Variants in VWC2 observed in about 807,000 individuals in gnomAD.
The protein encoded by VWC2 is von Willebrand factor C domain containing 2, also known as brorin.
VWC2 carries 14 observed loss-of-function variants against 29.8 expected under a neutral mutation model. That is an observed-to-expected ratio of 0.47 (90% CI 0.31 to 0.74). The LOEUF is 0.74. Ranked by LOEUF, VWC2 falls within the 30% of genes least tolerant of loss-of-function variation. VWC2 has a pLI of 0.05. For missense variants in VWC2, 457 were observed against 459.8 expected, an observed-to-expected ratio of 0.99 and a Z score of 0.05; for synonymous variants, 213 against 199.0, an observed-to-expected ratio of 1.07 and a Z score of -0.59.
intron 3 of VWC2, among the ~76,000 whole-genome samples, chr7:49,881,617 A>T (rs2128727293): frequency 6.6e-6 from 1 of 152,278 alleles, no homozygotes; most frequent in East Asian, 1.9e-4. Context: ...TCTTGTTCCC[A>T]TCTATCTGTG....
chr7:49,783,626 G>C (rs930326860), intron 2 of VWC2, among the ~76,000 whole-genome samples: 2 of 152,144 alleles, frequency 1.3e-5, no homozygotes, highest in Non-Finnish European at 2.9e-5. Flanking sequence ...TTTCTGTCGG[G>C]CACTGGGGTG....
chr7:49,804,716 T>C lies in VWC2; in HGVS notation c.826+1876T>C, dbSNP rs185623892. On this transcript the variant is annotated intron_variant, in intron 3 of 3. Transcript: ENST00000340652. ...AATAACTGTCCAGTGAACAATTGTATACCTTTAGCTACACCTGTTGCTAAC... is the reference window on the plus strand; with the variant it reads ...AATAACTGTCCAGTGAACAATTGTACACCTTTAGCTACACCTGTTGCTAAC... Among the ~76,000 whole-genome samples, 128 of 152,354 alleles carry C rather than the reference T, an allele frequency of 8.4e-4. 1 individual carries two copies. Among genetic ancestry groups the C allele is most frequent in the African/African-American group, 2.9e-3 (121 of 41,580 alleles).
intron 3 of VWC2, among the ~76,000 whole-genome samples, chr7:49,907,496 AAG>A (rs1793170377): frequency 6.6e-6 from 1 of 152,228 alleles, no homozygotes; most frequent in Admixed American, 6.5e-5. Context: ...TTTAATAAAC[AAG>A]AGTCTGTCAA....
intron 3 of VWC2, among the ~76,000 whole-genome samples, chr7:49,867,397 T>A (rs1275649333): frequency 6.6e-6 from 1 of 152,148 alleles, no homozygotes; most frequent in East Asian, 1.9e-4. Context: ...AGAGGACAGA[T>A]CTGGAGGACG....
At chr7:49,778,011 G>C (rs186598185) in intron 2 of VWC2, among the ~76,000 whole-genome samples, 7 of 151,154 alleles carry the variant, frequency 4.6e-5, no homozygotes, top group Admixed American at 2.0e-4. Flanking sequence ...ATTGTCCTTA[G>C]AAGTAAACTG....
intron 3 of VWC2, among the ~76,000 whole-genome samples, chr7:49,851,854 TAAAAAAA>T (rs77423510): frequency 7.3e-6 from 1 of 136,398 alleles, no homozygotes; most frequent in Non-Finnish European, 1.6e-5. Flanking sequence ...AGACTCTGTC[TAAAAAAA>T]AAAAAAAGTC....
chr7:49,845,052 T>C lies in VWC2; in HGVS notation c.826+42212T>C, dbSNP rs965882525. 3.7e-4 allele frequency among the ~76,000 whole-genome samples: 57 copies of C among 152,122 alleles called. 2 individuals carry two copies. On this transcript the variant is annotated intron_variant, in intron 3 of 3. Transcript: ENST00000340652. ...TTCAAAAGGAAGTTATTTCCGAATG[T>C]TCTCACTTATAAATGGGAGCTGAAC...
At chr7:49,818,248 T>G (rs911990998) in intron 3 of VWC2, among the ~76,000 whole-genome samples, 1 of 152,176 alleles carries the variant, frequency 6.6e-6, no homozygotes, top group African/African-American at 2.4e-5. Context: ...CAGAGAAATA[T>G]TTCCCAAATT....
chr7:49,788,462 TGTGTGTGA>T (rs891314294), intron 2 of VWC2, among the ~76,000 whole-genome samples: 23 of 149,750 alleles, frequency 1.5e-4, no homozygotes, highest in African/African-American at 4.4e-4. Flanking sequence ...TGTGTGTGTG[TGTGTGTGA>T]GAGAGAGTGT....
rs1793641529 is a variant in VWC2, at chr7:49,915,022, T to C, written c.*2837T>C. On this transcript the variant is annotated 3_prime_UTR_variant, in exon 4 of 4. Coordinates refer to ENST00000340652, the MANE Select transcript of VWC2 (RefSeq NM_198570.5). ...TTCAAATTTTCAACCCATATTTAGA[T>C]CTGAAAGTATAAAGCTACTTATGTA... 1 of 152,212 alleles carries C rather than the reference T, an allele frequency of 6.6e-6. No individual in the cohort carries two copies. The highest frequency in any genetic ancestry group is 1.5e-5 in the Non-Finnish European group (1 of 68,024). The allele number at this position is 152,212 out of a possible 1,614,324, so 9.4% of individuals were successfully genotyped here.
chr7:49,779,068 A>C (rs1049563518), intron 2 of VWC2, among the ~76,000 whole-genome samples: 2 of 152,174 alleles, frequency 1.3e-5, no homozygotes, highest in African/African-American at 4.8e-5. Flanking sequence ...AGACAGAGAC[A>C]GAGAGAGAGG....
chr7:49,779,720 T>A (rs1254507130), intron 2 of VWC2, among the ~76,000 whole-genome samples: 2 of 152,204 alleles, frequency 1.3e-5, no homozygotes, highest in Non-Finnish European at 2.9e-5. Flanking sequence ...TTGGAATAAA[T>A]CTGGAAATCC....
intron 2 of VWC2, among the ~76,000 whole-genome samples, chr7:49,788,445 C>CTG (rs35708736): frequency 0.028 from 4,090 of 148,086 alleles, 190 homozygotes; most frequent in African/African-American, 0.089. Flanking sequence ...TTCCCCTGGC[C>CTG]TGTGTGTGTG....
intron 3 of VWC2, among the ~76,000 whole-genome samples, chr7:49,855,953 CCA>C (rs760546239): frequency 5.3e-5 from 8 of 152,156 alleles, no homozygotes; most frequent in Non-Finnish European, 1.2e-4. Context: ...ACACTAAGCC[CCA>C]CAGTTTGCTG....
intron 3 of VWC2, among the ~76,000 whole-genome samples, chr7:49,860,959 A>G (rs1038633738): frequency 6.6e-6 from 1 of 152,206 alleles, no homozygotes; most frequent in African/African-American, 2.4e-5. Flanking sequence ...GAACCATGAG[A>G]AAATACATTT....
intron 3 of VWC2, among the ~76,000 whole-genome samples, chr7:49,880,719 T>TA (rs1389481816): frequency 6.6e-6 from 1 of 152,050 alleles, no homozygotes; most frequent in Non-Finnish European, 1.5e-5. Flanking sequence ...CATTAGGAGA[T>TA]ACACCTAATG....
chr7:49,873,069 C>T (rs1021389528), intron 3 of VWC2, among the ~76,000 whole-genome samples: 1 of 151,870 alleles, frequency 6.6e-6, no homozygotes, highest in African/African-American at 2.4e-5. Flanking sequence ...AAATGTTCAA[C>T]CTTAGTAGTT....
In VWC2 at chr7:49,809,458, A is replaced by G. The variant is rs571204345; in HGVS notation, c.826+6618A>G. On this transcript the variant is annotated intron_variant, in intron 3 of 3. Coordinates refer to ENST00000340652, the MANE Select transcript of VWC2 (RefSeq NM_198570.5). ...AATATTCAAAGAAAGAAATAATACC[A>G]ATCTTTTACAAACTCACCCAGGAAA... Among the ~76,000 whole-genome samples, 228 of 152,178 alleles carry G rather than the reference A, an allele frequency of 1.5e-3. 1 individual carries two copies. Among genetic ancestry groups the G allele is most frequent in the African/African-American group, 5.3e-3 (220 of 41,560 alleles).
chr7:49,891,225 A>G (rs1792114842), intron 3 of VWC2, among the ~76,000 whole-genome samples: 1 of 152,230 alleles, frequency 6.6e-6, no homozygotes, highest in Non-Finnish European at 1.5e-5. Flanking sequence ...CAGACAAAGT[A>G]GATTTTAAGG....
Sources: allele counts gnomAD v4.1 joint callset (sites outside exome capture counted in the v4.1 genomes callset), GRCh38; gene constraint gnomAD v4.1.1; transcripts MANE v1.5; gene names NCBI Gene and HGNC (gene_info 2026-07-23, HGNC 2026-07-21).